The following SZRD1 variants were observed in gnomAD, a reference collection of about 807,000 sequenced individuals.
The protein encoded by SZRD1 is SUZ RNA-binding domain-containing.
A neutral mutation model predicts 17.6 loss-of-function variants in SZRD1; 7 were observed. That is an observed-to-expected ratio of 0.40 (90% CI 0.23 to 0.75). The LOEUF (loss-of-function observed/expected upper bound fraction) is 0.75. Ranked by LOEUF, SZRD1 falls within the 30% of genes least tolerant of loss-of-function variation. The probability of loss-of-function intolerance (pLI) is 0.38; values close to 1 mark genes in which losing one functional copy is unlikely to be tolerated. For synonymous variants in SZRD1, 77 were observed against 77.9 expected (o/e 0.99, Z 0.06); for missense variants, 178 against 201.8 (o/e 0.88, Z 0.71).
At chr1:16,389,709 T>C (rs1317862183) in intron 1 of SZRD1, among the ~76,000 whole-genome samples, 1 of 152,180 alleles carries the variant, frequency 6.6e-6, no homozygotes. Flanking sequence ...CCTCCCAAAG[T>C]GCTGGGATTA....
Position 16,393,146 on chromosome 1 carries a change from T to G in SZRD1, c.102-82T>G. 6.6e-7 allele frequency: 1 copy of G among 1,526,694 alleles called. No homozygotes were observed. Among genetic ancestry groups the G allele is most frequent in the Non-Finnish European group, 9.0e-7 (1 of 1,116,518 alleles). The allele number at this position is 1,526,694 out of a possible 1,614,324, so 94.6% of individuals were successfully genotyped here. On this transcript the variant is annotated intron_variant, in intron 2 of 3. Coordinates refer to ENST00000401088, the MANE Select transcript of SZRD1 (RefSeq NM_001114600.3). The surrounding 1 kb of genome is among the most constrained non-coding windows in gnomAD (Gnocchi z 5.6). ...GTAGAATTAGGGAGGGAGAGGAAAG[T>G]GATGAGAGGTGGGTGTGGGACATGG...
At chr1:16,388,338 G>T (rs900378429) in intron 1 of SZRD1, among the ~76,000 whole-genome samples, 2 of 152,066 alleles carry the variant, frequency 1.3e-5, no homozygotes, top group Non-Finnish European at 2.9e-5. Context: ...GACCTCAAGT[G>T]ATTCACCCAC....
At chr1:16,371,119 A>T (rs2082906153) in intron 1 of SZRD1, among the ~76,000 whole-genome samples, 1 of 152,180 alleles carries the variant, frequency 6.6e-6, no homozygotes, top group Non-Finnish European at 1.5e-5. Flanking sequence ...AACTACACAA[A>T]AATCCAGCGG....
At chr1:16,380,600 C>G (rs1352445166) in intron 1 of SZRD1, among the ~76,000 whole-genome samples, 2 of 152,176 alleles carry the variant, frequency 1.3e-5, no homozygotes, top group African/African-American at 4.8e-5. Flanking sequence ...TCCCGAGTAG[C>G]TGGAATTACA....
chr1:16,389,636 G>A (rs377161310), intron 1 of SZRD1, among the ~76,000 whole-genome samples: 1 of 151,128 alleles, frequency 6.6e-6, no homozygotes, highest in East Asian at 1.9e-4. Flanking sequence ...TATTAGAGAC[G>A]GGGTTTCACC....
intron 1 of SZRD1, chr1:16,387,192 G>T (rs1233260734): frequency 2.4e-6 from 1 of 418,576 alleles, no homozygotes; most frequent in Non-Finnish European, 4.7e-6. Flanking sequence ...CTAGTTTGGG[G>T]ACAGAGGCGC....
chr1:16,380,179 C>G (rs2083074945), intron 1 of SZRD1, among the ~76,000 whole-genome samples: 1 of 152,088 alleles, frequency 6.6e-6, no homozygotes, highest in African/African-American at 2.4e-5. Flanking sequence ...TGCCATCTTA[C>G]AAAAAATGGT....
chr1:16,377,001 T>C (rs987568651), intron 1 of SZRD1, among the ~76,000 whole-genome samples: 3 of 152,114 alleles, frequency 2.0e-5, no homozygotes, highest in Non-Finnish European at 4.4e-5. Flanking sequence ...TGAACTTGAA[T>C]GCCTTTACCG....
intron 1 of SZRD1, chr1:16,387,412 G>A (rs2085144412): frequency 2.7e-5 from 12 of 447,806 alleles, no homozygotes; most frequent in Middle Eastern, 4.4e-4. Context: ...TTTGGCTCTC[G>A]CAGCGATATG....
intron 1 of SZRD1, chr1:16,369,258 CAT>C: frequency 3.3e-6 from 2 of 606,608 alleles, no homozygotes; most frequent in South Asian, 4.4e-5. Flanking sequence ...AATTATTCTT[CAT>C]ATATGTTTTG....
At chr1:16,370,371 C>T (rs1404782918) in intron 1 of SZRD1, among the ~76,000 whole-genome samples, 1 of 151,128 alleles carries the variant, frequency 6.6e-6, no homozygotes, top group East Asian at 2.0e-4. Flanking sequence ...GATTACAAGG[C>T]GCATGCTACC....
At chr1:16,374,480 T>G (rs977398732) in intron 1 of SZRD1, among the ~76,000 whole-genome samples, 1 of 152,250 alleles carries the variant, frequency 6.6e-6, no homozygotes, top group African/African-American at 2.4e-5. Flanking sequence ...TCAAGAGAGC[T>G]GCCATGGTTG....
At chr1:16,377,774 A>G (rs74055540) in intron 1 of SZRD1, among the ~76,000 whole-genome samples, 2,218 of 152,222 alleles carry the variant, frequency 0.015, 56 homozygotes, top group African/African-American at 0.05. Flanking sequence ...GTGAGAGTTA[A>G]AACACTTAGT....
intron 1 of SZRD1, among the ~76,000 whole-genome samples, chr1:16,383,641 A>G (rs1289926515): frequency 2.6e-5 from 3 of 113,722 alleles, no homozygotes; most frequent in Non-Finnish European, 5.1e-5. Context: ...TTTTTTTTAG[A>G]CAGAGTCTTG....
chr1:16,388,756 A>C (rs1570038683), intron 1 of SZRD1, among the ~76,000 whole-genome samples: 1 of 123,302 alleles, frequency 8.1e-6, no homozygotes, highest in African/African-American at 3.2e-5. Context: ...TGTGATCTCC[A>C]CTCACTGCAG....
intron 1 of SZRD1, among the ~76,000 whole-genome samples, chr1:16,372,963 A>G (rs1389885191): frequency 6.6e-6 from 1 of 152,180 alleles, no homozygotes; most frequent in Non-Finnish European, 1.5e-5. Flanking sequence ...TTAAGATTTG[A>G]AAGATCAGTT....
chr1:16,391,393 G>C lies in SZRD1; in HGVS notation c.70G>C (p.Glu24Gln). Residue 24 changes from glutamate to glutamine, a missense_variant, in exon 2 of 4, where the codon GAA becomes CAA. By Grantham distance (29) the Glu-to-Gln change is conservative. This residue lies in a region of SZRD1 where 117 missense variants were observed against 108.7 expected (regional missense o/e 1.08). Coordinates refer to ENST00000401088, the MANE Select transcript of SZRD1 (RefSeq NM_001114600.3). The surrounding 1 kb of genome is among the most constrained non-coding windows in gnomAD (Gnocchi z 4.3). The stretch of plus-strand genomic sequence containing the variant: ...CCTCTAGGAAATAGACAGACGGTTG[G>C]AAAAAAAACTGAAGATCACACAAAA... ...ADSGEIDRRL[E>Q]KKLKITQKES... is the part of the protein sequence containing the mutation. 6.5e-7 allele frequency: 1 copy of C among 1,547,278 alleles called. No individual in the cohort carries two copies. The highest frequency in any genetic ancestry group is 8.7e-7 in the Non-Finnish European group (1 of 1,145,068).
rs762049113 is a variant in SZRD1, at chr1:16,395,160, C to G, written c.*20C>G. ...AGATAAATGCAGGCAAGAAAAGATG[C>G]CGCCGTTGCTGCCGTCACCGCCTCC... On this transcript the variant is annotated 3_prime_UTR_variant, in exon 4 of 4. Coordinates refer to ENST00000401088, the MANE Select transcript of SZRD1 (RefSeq NM_001114600.3). 6.4e-7 allele frequency: 1 copy of G among 1,569,464 alleles called. No homozygotes were observed. Among genetic ancestry groups the G allele is most frequent in the Non-Finnish European group, 8.8e-7 (1 of 1,139,632 alleles).
At chr1:16,386,609 G>A (rs778530943) in intron 1 of SZRD1, among the ~76,000 whole-genome samples, 1 of 152,162 alleles carries the variant, frequency 6.6e-6, no homozygotes, top group African/African-American at 2.4e-5. Flanking sequence ...GAGATGCGAT[G>A]CCCTCTCCAG....
Sources: allele counts gnomAD v4.1 joint callset (sites outside exome capture counted in the v4.1 genomes callset), GRCh38; gene constraint gnomAD v4.1.1; regional missense constraint gnomAD v4.1.1; non-coding constraint Gnocchi (gnomAD v3.1); transcripts MANE v1.5; gene names NCBI Gene and HGNC (gene_info 2026-07-23, HGNC 2026-07-21).